STT3B: variants seen among roughly 807,000 people sequenced by gnomAD.
STT3B encodes the protein STT3 oligosaccharyltransferase complex catalytic subunit B, also known as dolichyl-diphosphooligosaccharide--protein glycosyltransferase subunit STT3B.
STT3B carries 29 observed loss-of-function variants against 96.8 expected under a neutral mutation model. The ratio of observed to expected loss-of-function variants is 0.30; its 90% confidence interval spans 0.22 to 0.41. The LOEUF (loss-of-function observed/expected upper bound fraction) is 0.41, where lower values mean the gene tolerates loss of function less well. Ranked by LOEUF, STT3B falls within the 10% of genes least tolerant of loss-of-function variation. The pLI, the probability that STT3B is intolerant of heterozygous loss-of-function variation, is 1.00. For synonymous variants in STT3B, 367 were observed against 360.0 expected (o/e 1.02, Z -0.22); for missense variants, 640 against 1,022.3 (o/e 0.63, Z 5.10).
At chr3:31,626,741 T>C (rs757547406) in intron 13 of STT3B, among the ~76,000 whole-genome samples, 2 of 152,194 alleles carry the variant, frequency 1.3e-5, no homozygotes, top group Non-Finnish European at 2.9e-5. Flanking sequence ...AAATAACTAA[T>C]TTATAGTGCC....
In STT3B at chr3:31,576,523, C is replaced by A. The variant is rs1433826651; in HGVS notation, c.423+19C>A. 2 of 1,315,242 alleles carry A rather than the reference C, an allele frequency of 1.5e-6. No individual in the cohort carries two copies. Among genetic ancestry groups the A allele is most frequent in the East Asian group, 2.4e-5 (1 of 41,300 alleles). The allele number at this position is 1,315,242 out of a possible 1,614,324, so 81.5% of individuals were successfully genotyped here. On this transcript the variant is annotated intron_variant, in intron 2 of 15. Coordinates refer to ENST00000295770, the MANE Select transcript of STT3B (RefSeq NM_178862.3). The stretch of plus-strand genomic sequence containing the variant: ...TGGTACTGTAAGTATATTAGCAGTT[C>A]TTTATGTTAATTATAACATTTATTG...
rs542734752 is a variant in STT3B at position 31,597,904 on chromosome 3, C to T, written c.777+1041C>T. Among the ~76,000 whole-genome samples the T allele has an allele frequency of 3.3e-5, 5 of 149,586 alleles. No individual in the cohort carries two copies. In the East Asian group the frequency reaches 7.8e-4, roughly 23 times the overall value. On this transcript the variant is annotated intron_variant, in intron 4 of 15. Coordinates refer to ENST00000295770, the MANE Select transcript of STT3B (RefSeq NM_178862.3). ...AGGCTGGAGTGCAGTGGTACGATCTCGGCTCACGGCAACCTCGGCCTCCTG... is the reference window on the plus strand; with the variant it reads ...AGGCTGGAGTGCAGTGGTACGATCTTGGCTCACGGCAACCTCGGCCTCCTG...
intron 1 of STT3B, among the ~76,000 whole-genome samples, chr3:31,543,111 T>G (rs1382231397): frequency 6.7e-6 from 1 of 150,302 alleles, no homozygotes; most frequent in Non-Finnish European, 1.5e-5. Context: ...CCAGGCCTAC[T>G]TCTCTCAGAA....
chr3:31,622,731 TGATTGG>T (rs1310001907), intron 10 of STT3B, among the ~76,000 whole-genome samples: 1 of 152,174 alleles, frequency 6.6e-6, no homozygotes, highest in African/African-American at 2.4e-5. Context: ...AAGTGACATT[TGATTGG>T]TTGAACAGTA....
At position 31,619,676 on chromosome 3, in the gene STT3B, G is replaced by A; in HGVS notation, c.1173G>A (p.Gly391=). The A allele has an allele frequency of 6.2e-7, 1 of 1,603,018 alleles. No individual in the cohort carries two copies. ...ACAATATTAACTTTTTTAATACCAG[G>A]TATGCAAAAATACACATTCCAATTA... is the stretch of plus-strand genomic sequence containing the variant. The part of the protein sequence containing the change: ...SGRFYSLWDT[G]YAKIHIPIIA... Residue 391 remains glycine, a splice_region_variant and synonymous_variant, in exon 9 of 16, where the codon GGG becomes GGA. Transcript: ENST00000295770.
At chr3:31,627,596 G>A (rs532252140) in intron 13 of STT3B, among the ~76,000 whole-genome samples, 24 of 152,294 alleles carry the variant, frequency 1.6e-4, no homozygotes, top group African/African-American at 5.8e-4. Context: ...GAATCTTTTG[G>A]GAAAAATGTA....
chr3:31,575,375 C>T (rs1219927295), intron 1 of STT3B, among the ~76,000 whole-genome samples: 3 of 151,868 alleles, frequency 2.0e-5, no homozygotes, highest in Non-Finnish European at 2.9e-5. Context: ...AATATATTCT[C>T]GCTTCTGTTT....
At position 31,533,456 on chromosome 3, in the gene STT3B, G is replaced by C. The variant is rs977962195; in HGVS notation, c.314+144G>C. 17 of 1,127,168 alleles carry C rather than the reference G, an allele frequency of 1.5e-5. No homozygotes were observed. The East Asian group carries it at 5.8e-4, about 38-fold the overall frequency. The allele number at this position is 1,127,168 out of a possible 1,614,324, so 69.8% of individuals were successfully genotyped here. The stretch of plus-strand genomic sequence containing the variant: ...CTGGCTGAGGCCGGCGCGGATCCCG[G>C]AGCTCCGGGCGCGCCCCCTGCCCGT... On this transcript the variant is annotated intron_variant, in intron 1 of 15. Coordinates refer to ENST00000295770, the MANE Select transcript of STT3B (RefSeq NM_178862.3).
At position 31,636,672 on chromosome 3, in the gene STT3B, A is replaced by C. The variant is rs1201100510; in HGVS notation, c.*608A>C. 6.6e-6 allele frequency: 1 copy of C among 152,180 alleles called. No individual in the cohort carries two copies. The highest frequency in any genetic ancestry group is 1.5e-5 in the Non-Finnish European group (1 of 68,026). 9.4% of individuals were successfully genotyped at this position (152,180 alleles called of 1,614,324 possible). The stretch of plus-strand genomic sequence containing the variant: ...CTGCTGTTTCAAAGATGGACCTCTG[A>C]GTAGCTAATTGATTCAAGTAGTTTT... On this transcript the variant is annotated 3_prime_UTR_variant, in exon 16 of 16. Transcript: ENST00000295770.
At chr3:31,581,913 G>C (rs1698412679) in intron 3 of STT3B, among the ~76,000 whole-genome samples, 2 of 152,134 alleles carry the variant, frequency 1.3e-5, no homozygotes, top group Non-Finnish European at 1.5e-5. Context: ...TCATGACTTA[G>C]TCTTGGTAGG....
At chr3:31,545,813 G>GTT (rs1559359366) in intron 1 of STT3B, among the ~76,000 whole-genome samples, 1 of 131,882 alleles carries the variant, frequency 7.6e-6, no homozygotes, top group African/African-American at 3.1e-5. Flanking sequence ...CATTAGGAGT[G>GTT]GTTTTTTTTT....
chr3:31,549,689 A>T (rs1190448328), intron 1 of STT3B, among the ~76,000 whole-genome samples: 1 of 152,194 alleles, frequency 6.6e-6, no homozygotes, highest in Non-Finnish European at 1.5e-5. Context: ...ATGCATAATC[A>T]TATGTCTAAT....
intron 15 of STT3B, 108 bp from the exon 16 acceptor site, chr3:31,635,876 G>A (rs964106991): frequency 1.4e-6 from 1 of 706,402 alleles, no homozygotes; most frequent in South Asian, 2.3e-5. Flanking sequence ...CACAAGAAGA[G>A]CAGAGAGCTT....
rs921178761 is a variant in STT3B, at chr3:31,543,414, G to T, written c.314+10102G>T. On this transcript the variant is annotated intron_variant, in intron 1 of 15. Coordinates refer to ENST00000295770, the MANE Select transcript of STT3B (RefSeq NM_178862.3). Reference sequence around the variant, plus strand: ...GTAGGGAGGCAAAAGATTCTTTAAGGCAAGAACATTTTTCTAATCTTTCTA... The same window carrying T: ...GTAGGGAGGCAAAAGATTCTTTAAGTCAAGAACATTTTTCTAATCTTTCTA... 2.0e-5 allele frequency among the ~76,000 whole-genome samples: 3 copies of T among 152,092 alleles called. No homozygotes were observed. The South Asian group carries it at 6.2e-4, about 31-fold the overall frequency.
chr3:31,596,763 A>G, intron 3 of STT3B, 35 bp from the exon 4 acceptor site: 1 of 1,512,358 alleles, frequency 6.6e-7, no homozygotes, highest in Admixed American at 1.8e-5. Context: ...ACATTTGTAA[A>G]CATTTTTATT....
chr3:31,551,373 G>A (rs1697556035), intron 1 of STT3B, among the ~76,000 whole-genome samples: 1 of 151,932 alleles, frequency 6.6e-6, no homozygotes. Context: ...ATGCCACCAC[G>A]CCTGGCTAAT....
intron 12 of STT3B, among the ~76,000 whole-genome samples, chr3:31,625,685 T>C (rs999896783): frequency 2.6e-5 from 4 of 152,216 alleles, no homozygotes; most frequent in Non-Finnish European, 4.4e-5. Flanking sequence ...GCTTGCCTGC[T>C]TTCATCATAA....
intron 5 of STT3B, among the ~76,000 whole-genome samples, chr3:31,602,747 A>G (rs1249855606): frequency 1.3e-5 from 2 of 151,550 alleles, no homozygotes; most frequent in Non-Finnish European, 2.9e-5. Flanking sequence ...TTTTAAGAAG[A>G]AAGAATAATA....
chr3:31,558,735 A>G lies in STT3B; in HGVS notation c.315-17661A>G, dbSNP rs576299821. On this transcript the variant is annotated intron_variant, in intron 1 of 15. Transcript: ENST00000295770. ...AGTTGTTTGGAATAGTTTGAGGAGAATAGATGTGTGTTTTTCCTTGAAAGT... is the reference window on the plus strand; with the variant it reads ...AGTTGTTTGGAATAGTTTGAGGAGAGTAGATGTGTGTTTTTCCTTGAAAGT... Among the ~76,000 whole-genome samples, 6 of 152,290 alleles carry G rather than the reference A, an allele frequency of 3.9e-5. No individual in the cohort carries two copies. In the South Asian group the frequency reaches 1.0e-3, roughly 26 times the overall value.
Sources: gnomAD v4.1 joint callset for allele counts (sites outside exome capture counted in the v4.1 genomes callset) on GRCh38, gnomAD v4.1.1 for gene constraint, MANE v1.5 for transcripts, NCBI Gene and HGNC (gene_info 2026-07-23, HGNC 2026-07-21) for gene names.